TRAF5: variants seen among roughly 807,000 people sequenced by gnomAD.
TRAF5 encodes TNF receptor-associated factor 5.
TRAF5 carries 48 observed loss-of-function variants against 64.5 expected under a neutral mutation model. That is an observed-to-expected ratio of 0.74 (90% CI 0.59 to 0.95). TRAF5 has a LOEUF of 0.95. TRAF5 is among the 40% of genes least tolerant of loss of function. The pLI, the probability that TRAF5 is intolerant of heterozygous loss-of-function variation, is 0.00. For synonymous variants in TRAF5, 206 were observed against 240.5 expected (o/e 0.86, Z 1.33); for missense variants, 545 against 662.8 (o/e 0.82, Z 1.95).
In TRAF5 at chr1:211,360,155, C is replaced by T. The variant is rs1703129268; in HGVS notation, c.543+79C>T. ...TGGTCACAGTGAATCAGGTGGAATGCCAGAAGAACATTCCTGCATTTATTT... is the reference window on the plus strand; with the variant it reads ...TGGTCACAGTGAATCAGGTGGAATGTCAGAAGAACATTCCTGCATTTATTT... On this transcript the variant is annotated intron_variant, in intron 5 of 10. Transcript: ENST00000261464. 5.1e-6 allele frequency: 7 copies of T among 1,383,988 alleles called. No individual in the cohort carries two copies. In the South Asian group the frequency reaches 9.0e-5, roughly 18 times the overall value. 85.7% of individuals were successfully genotyped at this position (1,383,988 alleles called of 1,614,324 possible). A position where few individuals can be genotyped will look rare whatever the true frequency, so the allele number is the denominator to read the frequency against.
At chr1:211,350,859 G>T (rs1466758259) in intron 1 of TRAF5, among the ~76,000 whole-genome samples, 6 of 152,020 alleles carry the variant, frequency 3.9e-5, no homozygotes, top group Non-Finnish European at 8.8e-5. Context: ...TCATCACATG[G>T]CAGCAAGAGG....
chr1:211,371,286 C>A lies in TRAF5; in HGVS notation c.931-16C>A. 6.4e-7 allele frequency: 1 copy of A among 1,558,300 alleles called. No individual in the cohort carries two copies. Among genetic ancestry groups the A allele is most frequent in the Non-Finnish European group, 8.6e-7 (1 of 1,160,958 alleles). Reference sequence around the variant, plus strand: ...AACTAATTTTTTAAACATGATTATCCATTTTGTAATGAAAGGTTTTTGCCA... The same window carrying A: ...AACTAATTTTTTAAACATGATTATCAATTTTGTAATGAAAGGTTTTTGCCA... On this transcript the variant is annotated splice_polypyrimidine_tract_variant and intron_variant, in intron 9 of 10. Coordinates refer to ENST00000261464, the MANE Select transcript of TRAF5 (RefSeq NM_001033910.3).
chr1:211,369,541 G>A lies in TRAF5; in HGVS notation c.879G>A (p.Lys293=), dbSNP rs1477810793. Residue 293 remains lysine, a synonymous_variant, in exon 9 of 11, where the codon AAG becomes AAA. Coordinates refer to ENST00000261464, the MANE Select transcript of TRAF5 (RefSeq NM_001033910.3). The part of the protein sequence containing the change: ...ETIKKLEKEF[K]QFAQLFGKNG... Reference sequence around the variant, plus strand: ...TAAAGAAACTTGAAAAGGAGTTCAAGCAGTTTGCACAGTTGTTTGGCAAAA... The same window carrying A: ...TAAAGAAACTTGAAAAGGAGTTCAAACAGTTTGCACAGTTGTTTGGCAAAA... The A allele has an allele frequency of 1.2e-6, 2 of 1,610,784 alleles. No individual in the cohort carries two copies. Among genetic ancestry groups the A allele is most frequent in the African/African-American group, 2.7e-5 (2 of 74,756 alleles).
intron 1 of TRAF5, among the ~76,000 whole-genome samples, chr1:211,328,587 C>T (rs1322947500): frequency 6.6e-6 from 1 of 151,910 alleles, no homozygotes; most frequent in Non-Finnish European, 1.5e-5. Flanking sequence ...GTCCACTGAA[C>T]GTCCTGACGA....
chr1:211,327,459 C>T (rs1422090070), intron 1 of TRAF5, among the ~76,000 whole-genome samples: 1 of 152,200 alleles, frequency 6.6e-6, no homozygotes, highest in Non-Finnish European at 1.5e-5. Context: ...AGCAGCTACC[C>T]CCCTCCCCCA....
At chr1:211,337,979 C>G (rs1702348510) in intron 1 of TRAF5, among the ~76,000 whole-genome samples, 1 of 152,140 alleles carries the variant, frequency 6.6e-6, no homozygotes, top group Admixed American at 6.5e-5. Context: ...CATTGTCAGT[C>G]ATAGCTGGTA....
intron 7 of TRAF5, among the ~76,000 whole-genome samples, chr1:211,364,865 T>C (rs1703298802): frequency 6.6e-6 from 1 of 152,072 alleles, no homozygotes; most frequent in African/African-American, 2.4e-5. Context: ...CTCTGTCTCA[T>C]GGATATTGTA....
intron 7 of TRAF5, among the ~76,000 whole-genome samples, chr1:211,363,029 C>T (rs1204461252): frequency 6.6e-6 from 1 of 152,138 alleles, no homozygotes; most frequent in Non-Finnish European, 1.5e-5. Flanking sequence ...CTCAGTTTCA[C>T]TCCTAAATAA....
At chr1:211,332,041 G>T (rs775907143) in intron 1 of TRAF5, among the ~76,000 whole-genome samples, 40 of 152,140 alleles carry the variant, frequency 2.6e-4, no homozygotes, top group Non-Finnish European at 5.3e-4. Context: ...CAGGGGCCAG[G>T]GTAGGGAAGC....
intron 1 of TRAF5, among the ~76,000 whole-genome samples, chr1:211,333,264 C>T (rs1348047586): frequency 6.6e-6 from 1 of 152,206 alleles, no homozygotes; most frequent in Admixed American, 6.5e-5. Context: ...ACTCGGCTCA[C>T]TGCAACCTCC....
chr1:211,328,442 G>A (rs1441038536), intron 1 of TRAF5, among the ~76,000 whole-genome samples: 1 of 152,208 alleles, frequency 6.6e-6, no homozygotes, highest in Non-Finnish European at 1.5e-5. Flanking sequence ...TGGAGAAGGC[G>A]ACTTCTCCCA....
chr1:211,361,290 T>C, intron 7 of TRAF5, 128 bp downstream of exon 7: 1 of 774,910 alleles, frequency 1.3e-6, no homozygotes, highest in Non-Finnish European at 2.1e-6. Context: ...AGGCTAATTA[T>C]TTTAGAGTTC....
rs1703587917 is a variant in TRAF5, at chr1:211,372,979, CTT to C, written c.*280_*281del. ...TTCTTGAAGTTTTTGGGGCGTTTCT[CTT>C]TTACTGGTGCTTAGCGCAGTGTCTC... On this transcript the variant is annotated 3_prime_UTR_variant, in exon 11 of 11. Coordinates refer to ENST00000261464, the MANE Select transcript of TRAF5 (RefSeq NM_001033910.3). 6 of 281,716 alleles carry C rather than the reference CTT, an allele frequency of 2.1e-5. No homozygotes were observed. In the East Asian group the frequency reaches 4.6e-4, roughly 21 times the overall value. The allele number at this position is 281,716 out of a possible 1,614,324, so 17.5% of individuals were successfully genotyped here.
chr1:211,357,764 A>G (rs2102751136), intron 4 of TRAF5: 1 of 152,334 alleles, frequency 6.6e-6, no homozygotes, highest in Non-Finnish European at 1.5e-5. Flanking sequence ...GAATAGCTGC[A>G]TTTGTTTATC....
intron 1 of TRAF5, among the ~76,000 whole-genome samples, chr1:211,340,981 G>A (rs1702434008): frequency 1.3e-5 from 2 of 152,198 alleles, no homozygotes; most frequent in South Asian, 4.1e-4. Context: ...CCAACAGTGA[G>A]CCACCGCGCC....
chr1:211,372,267 C>T lies in TRAF5; in HGVS notation c.1239C>T (p.Tyr413=), dbSNP rs751699005. The T allele has an allele frequency of 2.5e-6, 4 of 1,614,096 alleles. No homozygotes were observed. Among genetic ancestry groups the T allele is most frequent in the Non-Finnish European group, 3.4e-6 (4 of 1,180,026 alleles). The change falls in exon 11 of 11, where the codon TAC becomes TAT. Residue 413 remains tyrosine, a synonymous_variant. Transcript: ENST00000261464. ...AGCTCATTTGGAAGGTGACAGATTA[C>T]AAGATGAAGAAGAGAGAGGCGGTGG... ...NGKLIWKVTD[Y]KMKKREAVDG...
chr1:211,351,427 G>C (rs1373718579), intron 1 of TRAF5, among the ~76,000 whole-genome samples: 2 of 152,052 alleles, frequency 1.3e-5, no homozygotes, highest in African/African-American at 2.4e-5. Context: ...ACTGTCACAT[G>C]GGGGGTTAGA....
At position 211,360,471 on chromosome 1, in the gene TRAF5, T is replaced by G. The variant is rs1369322340; in HGVS notation, c.544-231T>G. 26 of 519,830 alleles carry G rather than the reference T, an allele frequency of 5.0e-5. No individual in the cohort carries two copies. In the South Asian group the frequency reaches 7.2e-4, roughly 14 times the overall value. 32.2% of individuals were successfully genotyped at this position (519,830 alleles called of 1,614,324 possible). On this transcript the variant is annotated intron_variant, in intron 5 of 10. Coordinates refer to ENST00000261464, the MANE Select transcript of TRAF5 (RefSeq NM_001033910.3). ...GCTGGCAGTTCCCCAATCTACCTTC[T>G]TTGAATCCTGTGTTCTATGACTTTC...
chr1:211,372,655 CTG>C lies in TRAF5; in HGVS notation c.1629_1630del (p.Phe544LeufsTer9). 1 of 1,614,182 alleles carries C rather than the reference CTG, an allele frequency of 6.2e-7. No homozygotes were observed. The highest frequency in any genetic ancestry group is 1.1e-5 in the South Asian group (1 of 91,084). ...AKNAYIKDDT[L>X]FLKVAVDLTD... is the part of the protein sequence containing the mutation. ...GAACGCCTACATTAAAGATGACACT[CTG>C]TTCTTGAAAGTGGCCGTGGACTTAA... On this transcript the variant is annotated frameshift_variant, in exon 11 of 11. Transcript: ENST00000261464. LOFTEE classifies it high-confidence loss of function.
Sources: gnomAD v4.1 joint callset for allele counts (sites outside exome capture counted in the v4.1 genomes callset) on GRCh38, gnomAD v4.1.1 for gene constraint, MANE v1.5 for transcripts, NCBI Gene and HGNC (gene_info 2026-07-23, HGNC 2026-07-21) for gene names.